RGPD3: variants seen among roughly 807,000 people sequenced by gnomAD.
RGPD3 encodes the protein RANBP2 like and GRIP domain containing 3.
A neutral mutation model predicts 154.5 loss-of-function variants in RGPD3; 62 were observed. The observed-to-expected ratio is 0.40, with a 90% CI of 0.33 to 0.50. RGPD3 has a LOEUF of 0.50. RGPD3 is among the 20% of genes least tolerant of loss of function. The pLI, the probability that RGPD3 is intolerant of heterozygous loss-of-function variation, is 0.59. For synonymous variants in RGPD3, 308 were observed against 607.0 expected (o/e 0.51, Z 7.24); for missense variants, 919 against 1,716.8 (o/e 0.54, Z 8.21).
intron 1 of RGPD3, among the ~76,000 whole-genome samples, chr2:106,466,200 CG>C (rs1168267450): frequency 1.3e-5 from 2 of 152,150 alleles, no homozygotes; most frequent in Admixed American, 6.5e-5. Flanking sequence ...GAGGAAGCGC[CG>C]GCGCCAACGG....
Position 106,424,307 on chromosome 2 carries a change from T to A in RGPD3, c.3660A>T (p.Glu1220Asp), listed in dbSNP as rs544989584. 2.7e-5 allele frequency: 43 copies of A among 1,611,968 alleles called. 1 individual carries two copies. The highest frequency in any genetic ancestry group is 2.8e-5 in the Non-Finnish European group (33 of 1,179,860). ...TNDQTKVAEE[E>D]NKGSGTGAAG... is the part of the protein sequence containing the mutation. ...CCGCACCTGTACCTGAACCCTTATTTTCTTCCTCAGCGACTTTTGTTTGAT... is the reference window on the plus strand; with the variant it reads ...CCGCACCTGTACCTGAACCCTTATTATCTTCCTCAGCGACTTTTGTTTGAT... The change falls in exon 20 of 23, where the codon GAA (glutamate) becomes GAT (aspartate). Residue 1220 changes from glutamate (E) to aspartate (D), a missense_variant. Coordinates refer to ENST00000409886, the MANE Select transcript of RGPD3 (RefSeq NM_001144013.2).
At chr2:106,441,523 A>G in intron 7 of RGPD3, 143 bp from the exon 8 acceptor site, 3 of 1,286,668 alleles carry the variant, frequency 2.3e-6, no homozygotes, top group Admixed American at 2.6e-5. Context: ...AAGACTGCAA[A>G]AACTGGGAAC....
At chr2:106,409,637 T>C (rs1410080487) in intron 22 of RGPD3, among the ~76,000 whole-genome samples, 1 of 152,026 alleles carries the variant, frequency 6.6e-6, no homozygotes, top group Non-Finnish European at 1.5e-5. Context: ...ATTTCTTCTT[T>C]TTTTTTAATA....
At chr2:106,416,020 C>A in intron 20 of RGPD3, 31 bp from the exon 21 acceptor site, 2 of 1,610,720 alleles carry the variant, frequency 1.2e-6, no homozygotes, top group Non-Finnish European at 1.7e-6. Flanking sequence ...AATTAATTTT[C>A]AAAATCATAC....
chr2:106,445,192 G>A (rs1455244794), intron 7 of RGPD3, among the ~76,000 whole-genome samples: 1 of 137,956 alleles, frequency 7.2e-6, no homozygotes, highest in Non-Finnish European at 1.6e-5. Context: ...GGGAGGCTGA[G>A]GCAGGAGAAT....
chr2:106,451,520 T>G (rs1163984636), intron 6 of RGPD3, among the ~76,000 whole-genome samples: 1 of 151,300 alleles, frequency 6.6e-6, no homozygotes, highest in Non-Finnish European at 1.5e-5. Context: ...TCTTATAGTA[T>G]GTAAGCAGCC....
intron 17 of RGPD3, among the ~76,000 whole-genome samples, chr2:106,432,354 G>A (rs1677388566): frequency 6.7e-6 from 1 of 148,546 alleles, no homozygotes; most frequent in Non-Finnish European, 1.5e-5. Context: ...TCGGGAGGCT[G>A]AGGCAGGAGA....
chr2:106,410,178 C>T (rs1676628206), intron 22 of RGPD3, among the ~76,000 whole-genome samples: 1 of 152,006 alleles, frequency 6.6e-6, no homozygotes, highest in African/African-American at 2.4e-5. Context: ...CCAGGCCTTA[C>T]ATTCTCTCTC....
intron 8 of RGPD3, among the ~76,000 whole-genome samples, chr2:106,439,903 C>G (rs1385141970): frequency 5.1e-5 from 7 of 136,110 alleles, no homozygotes; most frequent in African/African-American, 1.8e-4. Flanking sequence ...AGGCCTTGTT[C>G]CCAGAGATTT....
intron 22 of RGPD3, chr2:106,412,725 G>A: frequency 2.1e-6 from 1 of 468,480 alleles, no homozygotes; most frequent in Non-Finnish European, 4.2e-6. Context: ...AAGGAAGAGG[G>A]GTGAAGTAGA....
At chr2:106,415,574 G>A (rs972102959) in intron 21 of RGPD3, among the ~76,000 whole-genome samples, 24 of 148,120 alleles carry the variant, frequency 1.6e-4, no homozygotes, top group African/African-American at 5.8e-4. Flanking sequence ...CTACTTGGGA[G>A]GCTGAGGCAG....
intron 4 of RGPD3, among the ~76,000 whole-genome samples, chr2:106,455,141 A>G (rs1416693650): frequency 6.6e-6 from 1 of 152,320 alleles, no homozygotes; most frequent in Admixed American, 6.5e-5. Flanking sequence ...GCACTCCAGC[A>G]TGGGCGACAG....
At chr2:106,444,650 C>T (rs558640075) in intron 7 of RGPD3, among the ~76,000 whole-genome samples, 1 of 140,414 alleles carries the variant, frequency 7.1e-6, no homozygotes, top group Non-Finnish European at 1.6e-5. Context: ...CATAGCAAGA[C>T]CTTGTCTTTA....
intron 7 of RGPD3, among the ~76,000 whole-genome samples, chr2:106,446,474 G>A (rs1677936781): frequency 6.8e-6 from 1 of 146,758 alleles, no homozygotes; most frequent in Non-Finnish European, 1.5e-5. Flanking sequence ...GGAGGCTGAG[G>A]CAGGAAAATG....
At position 106,404,484 on chromosome 2, in the gene RGPD3, A is replaced by G. The variant is rs1356534753; in HGVS notation, c.*735T>C. On this transcript the variant is annotated 3_prime_UTR_variant, in exon 23 of 23. Coordinates refer to ENST00000409886, the MANE Select transcript of RGPD3 (RefSeq NM_001144013.2). ...TTAACTTAGCACAATTAACTGCAGCATATTTACTTCATAGCCCCTTAACAT... is the reference window on the plus strand; with the variant it reads ...TTAACTTAGCACAATTAACTGCAGCGTATTTACTTCATAGCCCCTTAACAT... Among the ~76,000 whole-genome samples the G allele has an allele frequency of 2.9e-5, 4 of 139,346 alleles. No individual in the cohort carries two copies. Among genetic ancestry groups the G allele is most frequent in the African/African-American group, 1.1e-4 (4 of 36,118 alleles). 91.4% of individuals were successfully genotyped at this position (139,346 alleles called of 152,430 possible). A position where few individuals can be genotyped will look rare whatever the true frequency, so the allele number is the denominator to read the frequency against.
intron 22 of RGPD3, among the ~76,000 whole-genome samples, chr2:106,407,738 C>A (rs1246754368): frequency 6.6e-6 from 1 of 152,122 alleles, no homozygotes; most frequent in African/African-American, 2.4e-5. Context: ...AAAAGCTGTG[C>A]TTAGATAGGG....
At chr2:106,446,410 ACAAAAAAAAATTAGC>A (rs1437542962) in intron 7 of RGPD3, among the ~76,000 whole-genome samples, 7 of 151,796 alleles carry the variant, frequency 4.6e-5, no homozygotes, top group Non-Finnish European at 1.0e-4. Context: ...TACTAAAAGT[ACAAAAAAAAATTAGC>A]CAGGTGTGGT....
intron 21 of RGPD3, among the ~76,000 whole-genome samples, chr2:106,414,621 A>G (rs1676768037): frequency 6.6e-6 from 1 of 150,642 alleles, no homozygotes; most frequent in African/African-American, 2.4e-5. Context: ...GACTATCTCA[A>G]AAAAAAAAAA....
At chr2:106,429,968 C>T (rs1168003801) in intron 17 of RGPD3, among the ~76,000 whole-genome samples, 187 bp from the exon 18 acceptor site, 1 of 152,032 alleles carries the variant, frequency 6.6e-6, no homozygotes, top group Non-Finnish European at 1.5e-5. Context: ...ACCGCAACCT[C>T]CACCTCCTGG....
Sources: allele counts gnomAD v4.1 joint callset (sites outside exome capture counted in the v4.1 genomes callset), GRCh38; gene constraint gnomAD v4.1.1; transcripts MANE v1.5; gene names NCBI Gene and HGNC (gene_info 2026-07-23, HGNC 2026-07-21).